The following TAOK1 variants were observed in gnomAD, a reference collection of about 807,000 sequenced individuals.
TAOK1 encodes TAO kinase 1.
A neutral mutation model predicts 138.3 loss-of-function variants in TAOK1; 21 were observed. That is an observed-to-expected ratio of 0.15 (90% CI 0.11 to 0.22). TAOK1 has a LOEUF of 0.22. TAOK1 is among the 10% of genes least tolerant of loss of function. The probability of loss-of-function intolerance (pLI) is 1.00; values close to 1 mark genes in which losing one functional copy is unlikely to be tolerated. For missense variants in TAOK1, 651 were observed against 1,227.7 expected (o/e 0.53, Z 7.02); for synonymous variants, 361 against 398.4 (o/e 0.91, Z 1.12).
intron 3 of TAOK1, 55 bp downstream of exon 3, chr17:29,467,271 A>T: frequency 8.7e-7 from 1 of 1,153,080 alleles, no homozygotes; most frequent in Non-Finnish European, 1.2e-6. Flanking sequence ...CAGAATAAAT[A>T]TATACATTCT....
intron 1 of TAOK1, among the ~76,000 whole-genome samples, chr17:29,446,355 C>T (rs978599953): frequency 1.3e-5 from 2 of 152,032 alleles, no homozygotes; most frequent in Non-Finnish European, 2.9e-5. Flanking sequence ...CATTCTCCTC[C>T]CTCAGCCTAC....
At position 29,531,922 on chromosome 17, in the gene TAOK1, A is replaced by G. The variant is rs1286893124; in HGVS notation, c.2361+1303A>G. Among the ~76,000 whole-genome samples, 15 of 146,002 alleles carry G rather than the reference A, an allele frequency of 1.0e-4. No individual in the cohort carries two copies. The East Asian group carries it at 2.9e-3, about 28-fold the overall frequency. On this transcript the variant is annotated intron_variant, in intron 18 of 19. Transcript: ENST00000261716. ...GTCACCCAGGCTGGAGTGCAGTGGC[A>G]CGATCTTGGCTCACTGCAAGCTCCG...
rs192886653 is a variant in TAOK1, at chr17:29,394,940, A to T, written c.-95+3916A>T. On this transcript the variant is annotated intron_variant, in intron 1 of 19. Transcript: ENST00000261716. ...CATGACCCTGTCTCTACAAAAACAA[A>T]TTTTTTTTTTAATTAGCATGGGCTA... Among the ~76,000 whole-genome samples, 39 of 150,366 alleles carry T rather than the reference A, an allele frequency of 2.6e-4. No homozygotes were observed. The East Asian group carries it at 5.9e-3, about 23-fold the overall frequency.
intron 13 of TAOK1, among the ~76,000 whole-genome samples, chr17:29,503,649 A>C (rs2153028823): frequency 6.6e-6 from 1 of 152,276 alleles, no homozygotes; most frequent in South Asian, 2.1e-4. Flanking sequence ...AAATTACATT[A>C]AGATACCATA....
At chr17:29,515,225 C>T (rs2031794674) in intron 15 of TAOK1, among the ~76,000 whole-genome samples, 1 of 151,932 alleles carries the variant, frequency 6.6e-6, no homozygotes, top group Non-Finnish European at 1.5e-5. Context: ...GTTTATTTTC[C>T]ATTTAATTTC....
intron 1 of TAOK1, among the ~76,000 whole-genome samples, chr17:29,435,173 C>T (rs1905987260): frequency 6.6e-6 from 1 of 152,192 alleles, no homozygotes; most frequent in African/African-American, 2.4e-5. Flanking sequence ...TTACATTACC[C>T]ATCCCCGTTG....
intron 19 of TAOK1, among the ~76,000 whole-genome samples, chr17:29,541,718 G>A (rs2032319701): frequency 6.6e-6 from 1 of 151,204 alleles, no homozygotes; most frequent in Non-Finnish European, 1.5e-5. Context: ...GGAGGTTGCA[G>A]TGAGCTGAGA....
chr17:29,472,273 G>A (rs1276901819), intron 3 of TAOK1, among the ~76,000 whole-genome samples: 1 of 137,400 alleles, frequency 7.3e-6, no homozygotes, highest in South Asian at 2.3e-4. Context: ...TTTTTTTTGA[G>A]ATGGAGTTCA....
chr17:29,533,895 G>A (rs1382792014), intron 18 of TAOK1, among the ~76,000 whole-genome samples: 1 of 151,814 alleles, frequency 6.6e-6, no homozygotes, highest in East Asian at 1.9e-4. Context: ...TGGTTATTCA[G>A]GCATCTTCCA....
intron 1 of TAOK1, among the ~76,000 whole-genome samples, chr17:29,411,244 A>G (rs1405216583): frequency 6.8e-6 from 1 of 147,920 alleles, no homozygotes; most frequent in Admixed American, 6.7e-5. Flanking sequence ...GGCGCCCGCC[A>G]CTACGCCCGG....
At chr17:29,525,989 C>G (rs937590848) in intron 17 of TAOK1, among the ~76,000 whole-genome samples, 2 of 152,060 alleles carry the variant, frequency 1.3e-5, no homozygotes, top group Non-Finnish European at 2.9e-5. Context: ...GAGCGAGACT[C>G]CGTCTCAAAA....
intron 1 of TAOK1, among the ~76,000 whole-genome samples, chr17:29,444,800 A>G (rs142926801): frequency 1.1e-3 from 163 of 152,328 alleles, no homozygotes; most frequent in African/African-American, 3.8e-3. Context: ...CACTCCATGA[A>G]TACAGTACAT....
At chr17:29,489,779 A>T in intron 9 of TAOK1, 22 bp downstream of exon 9, 1 of 1,500,864 alleles carries the variant, frequency 6.7e-7, no homozygotes, top group African/African-American at 1.4e-5. Context: ...TAATATATAT[A>T]TTGCTCAGTG....
At chr17:29,517,393 T>C in intron 15 of TAOK1, 60 bp from the exon 16 acceptor site, 1 of 1,552,964 alleles carries the variant, frequency 6.4e-7, no homozygotes, top group Non-Finnish European at 8.8e-7. Context: ...GTGCTGGGAT[T>C]ACAGGCGTGA....
intron 19 of TAOK1, among the ~76,000 whole-genome samples, chr17:29,535,859 A>C (rs1225836858): frequency 5.9e-5 from 9 of 152,040 alleles, no homozygotes; most frequent in Non-Finnish European, 8.8e-5. Flanking sequence ...TGTCTCAAAA[A>C]AACAAAAAAA....
intron 2 of TAOK1, among the ~76,000 whole-genome samples, chr17:29,456,043 A>AG (rs2030368843): frequency 6.7e-6 from 1 of 150,302 alleles, no homozygotes; most frequent in African/African-American, 2.5e-5. Flanking sequence ...GATTGGTATT[A>AG]GTCTTCTTTA....
At chr17:29,447,304 A>C (rs1448946306) in intron 1 of TAOK1, among the ~76,000 whole-genome samples, 1 of 152,028 alleles carries the variant, frequency 6.6e-6, no homozygotes, top group Non-Finnish European at 1.5e-5. Context: ...TAAGGATATT[A>C]ACTCTTATGT....
intron 1 of TAOK1, among the ~76,000 whole-genome samples, chr17:29,398,578 G>A (rs945839587): frequency 6.6e-6 from 1 of 151,264 alleles, no homozygotes; most frequent in Admixed American, 6.6e-5. Flanking sequence ...TGCCCAGGCT[G>A]GAGTGCAATG....
chr17:29,419,669 T>C (rs1478159360), intron 1 of TAOK1, among the ~76,000 whole-genome samples: 2 of 151,750 alleles, frequency 1.3e-5, no homozygotes, highest in Admixed American at 1.3e-4. Flanking sequence ...TTTGTTTTGA[T>C]TTTTAGTAGA....
Sources: gnomAD v4.1 joint callset for allele counts (sites outside exome capture counted in the v4.1 genomes callset) on GRCh38, gnomAD v4.1.1 for gene constraint, MANE v1.5 for transcripts, NCBI Gene and HGNC (gene_info 2026-07-23, HGNC 2026-07-21) for gene names.